DHX8: variants seen among roughly 807,000 people sequenced by gnomAD.
DHX8 encodes ATP-dependent RNA helicase DHX8.
Under a neutral mutation model 140.7 loss-of-function variants are expected in DHX8, and 67 were observed. The ratio of observed to expected loss-of-function variants is 0.48; its 90% CI spans 0.39 to 0.58. DHX8 has a LOEUF of 0.58. Ranked by LOEUF, DHX8 falls within the 20% of genes least tolerant of loss-of-function variation. DHX8 has a pLI of 0.00. For synonymous variants in DHX8, 533 were observed against 553.2 expected (o/e 0.96, Z 0.51); for missense variants, 887 against 1,550.7 (o/e 0.57, Z 7.19).
At position 43,498,660 on chromosome 17, in the gene DHX8, T is replaced by C. The variant is rs539503316; in HGVS notation, c.1301-202T>C. On this transcript the variant is annotated intron_variant, in intron 9 of 22. Transcript: ENST00000262415. Reference sequence around the variant, plus strand: ...GATGGGGTTTCACTGTGTTGACCAGTCTGATCTCAAACTCTTGACCTCAAG... The same window carrying C: ...GATGGGGTTTCACTGTGTTGACCAGCCTGATCTCAAACTCTTGACCTCAAG... Among the ~76,000 whole-genome samples the C allele has an allele frequency of 2.3e-4, 35 of 151,834 alleles. 2 individuals are homozygous for C. In the South Asian group the frequency reaches 6.9e-3, roughly 30 times the overall value.
rs1971238336 is a variant in DHX8, at chr17:43,536,239, C to T, written c.351-173C>T. 4 of 653,470 alleles carry T rather than the reference C, an allele frequency of 6.1e-6. No individual in the cohort carries two copies. The East Asian group carries it at 1.0e-4, about 17-fold the overall frequency. The allele number at this position is 653,470 out of a possible 1,614,324, so 40.5% of individuals were successfully genotyped here. A position where few individuals can be genotyped will look rare whatever the true frequency, so the allele number is the denominator to read the frequency against. On this transcript the variant is annotated intron_variant, in intron 2 of 3. Coordinates refer to the DHX8 transcript ENST00000589898. ...GGATAGTGTCTGCTCTAAGGTCACA[C>T]AGCAAGAACATGTCAAGCCCCAGAT...
At chr17:43,522,940 G>A (rs1317518276) in intron 22 of DHX8, among the ~76,000 whole-genome samples, 1 of 151,126 alleles carries the variant, frequency 6.6e-6, no homozygotes, top group African/African-American at 2.4e-5. Context: ...GCAGGCACCT[G>A]TAATCCCAGC....
At chr17:43,527,912 C>G (rs2154587001), downstream of DHX8, 2 of 233,106 alleles carry the variant, frequency 8.6e-6, no homozygotes, top group South Asian at 1.8e-4. Context: ...AAACCCAGGC[C>G]TGGGCCTAGG....
At chr17:43,528,665 G>A (rs34260468), downstream of DHX8, 18,748 of 1,614,178 alleles carry the variant, frequency 0.012, 147 homozygotes, top group Middle Eastern at 0.015. Flanking sequence ...AGAGCTGGAC[G>A]CTGATTGTCC....
intron 3 of DHX8, 35 bp downstream of exon 3, chr17:43,490,498 A>T: frequency 6.4e-7 from 1 of 1,555,378 alleles, no homozygotes; most frequent in South Asian, 1.1e-5. Flanking sequence ...TAGCTTCTAG[A>T]ATGGTGTAGG....
chr17:43,506,918 A>T, intron 12 of DHX8, 85 bp from the exon 13 acceptor site: 2 of 1,058,380 alleles, frequency 1.9e-6, no homozygotes, highest in Non-Finnish European at 2.6e-6. Flanking sequence ...TGTAGATTTT[A>T]ATGACCATAT....
At chr17:43,510,250 T>G (rs4793254) in intron 16 of DHX8, among the ~76,000 whole-genome samples, 91,565 of 151,434 alleles carry the variant, frequency 0.6, 28,690 homozygotes, top group African/African-American at 0.78. Flanking sequence ...GTTTCTCCAT[T>G]CTGGTCAGGC....
At chr17:43,489,027 C>T (rs147944920) in intron 1 of DHX8, among the ~76,000 whole-genome samples, 5 of 151,346 alleles carry the variant, frequency 3.3e-5, no homozygotes, top group African/African-American at 7.3e-5. Flanking sequence ...TTTTTTGAGA[C>T]GGAGTCTCAC....
intron 3 of DHX8, among the ~76,000 whole-genome samples, chr17:43,540,034 G>A (rs1454763615): frequency 6.6e-6 from 1 of 152,148 alleles, no homozygotes; most frequent in Non-Finnish European, 1.5e-5. Context: ...AATGAGACAT[G>A]AAATCCGCTG....
chr17:43,486,875 CA>C (rs34339308), intron 1 of DHX8, among the ~76,000 whole-genome samples: 6,077 of 95,198 alleles, frequency 0.064, 343 homozygotes, highest in African/African-American at 0.2. Flanking sequence ...GACTCCGTCT[CA>C]AAAAAAAAAA....
chr17:43,529,054 C>A, downstream of DHX8: 2 of 1,314,640 alleles, frequency 1.5e-6, no homozygotes, highest in African/African-American at 2.9e-5. Context: ...TTGCTGAGAA[C>A]TGCCCTGCTG....
chr17:43,506,291 C>G (rs1035684519), intron 12 of DHX8, among the ~76,000 whole-genome samples: 3 of 151,204 alleles, frequency 2.0e-5, no homozygotes, highest in African/African-American at 4.9e-5. Context: ...CAGGCATGAG[C>G]CACTGTGCCT....
At chr17:43,520,507 A>T (rs990720915) in intron 19 of DHX8, among the ~76,000 whole-genome samples, 1 of 152,212 alleles carries the variant, frequency 6.6e-6, no homozygotes, top group Admixed American at 6.5e-5. Flanking sequence ...TTAATTAGAA[A>T]CGGCATCTGC....
intron 2 of DHX8, chr17:43,536,231 A>C: frequency 1.6e-6 from 1 of 637,662 alleles, no homozygotes; most frequent in Non-Finnish European, 2.8e-6. Context: ...GTCTGCTCTA[A>C]GGTCACACAG....
intron 16 of DHX8, among the ~76,000 whole-genome samples, chr17:43,509,042 A>C (rs369129169): frequency 2.0e-5 from 3 of 152,240 alleles, no homozygotes; most frequent in African/African-American, 7.2e-5. Context: ...TCATTTGACA[A>C]ATATTTTTTG....
rs149226081 is a variant in DHX8 at position 43,485,548 on chromosome 17, G to A, written c.148+1363G>A. Among the ~76,000 whole-genome samples, 676 of 151,920 alleles carry A rather than the reference G, an allele frequency of 4.4e-3. 12 individuals carry two copies. The highest frequency in any genetic ancestry group is 0.034 in the Admixed American group (520 of 15,246). ...TAGTTGATAATGAGGTGATAATTTC[G>A]TCGGTTTTGCTATCTCGTTAATATG... On this transcript the variant is annotated intron_variant, in intron 1 of 22. Transcript: ENST00000262415.
chr17:43,508,337 A>G lies in DHX8; in HGVS notation c.2321-2A>G. On this transcript the variant is annotated splice_acceptor_variant, in intron 15 of 22. Transcript: ENST00000262415. LOFTEE classifies it high-confidence loss of function. ...TAGATGAATGTTCTATTCTGCTCGTAGGTGATATCCTGGTCTTCCTGACTG... is the reference window on the plus strand; with the variant it reads ...TAGATGAATGTTCTATTCTGCTCGTGGGTGATATCCTGGTCTTCCTGACTG... 6.2e-7 allele frequency: 1 copy of G among 1,611,236 alleles called. No homozygotes were observed. Among genetic ancestry groups the G allele is most frequent in the Admixed American group, 1.7e-5 (1 of 59,698 alleles).
chr17:43,497,160 G>A (rs1411301299), intron 9 of DHX8, among the ~76,000 whole-genome samples: 1 of 151,804 alleles, frequency 6.6e-6, no homozygotes, highest in Non-Finnish European at 1.5e-5. Flanking sequence ...TACCATCTAC[G>A]TATCTATCCC....
intron 22 of DHX8, among the ~76,000 whole-genome samples, chr17:43,522,988 G>A (rs763082474): frequency 2.0e-5 from 3 of 150,030 alleles, no homozygotes; most frequent in Non-Finnish European, 3.0e-5. Context: ...GCTTGAACCC[G>A]GGAGGCAGAG....
Sources: allele counts gnomAD v4.1 joint callset (sites outside exome capture counted in the v4.1 genomes callset), GRCh38; gene constraint gnomAD v4.1.1; transcripts MANE v1.5; gene names NCBI Gene and HGNC (gene_info 2026-07-23, HGNC 2026-07-21).